Variants in IQCJ observed in about 807,000 individuals in gnomAD.
The protein encoded by IQCJ is IQ motif containing J, also known as IQ domain-containing protein J.
In IQCJ, 9 loss-of-function variants were observed where a neutral mutation model predicts 11.0. The ratio of observed to expected loss-of-function variants is 0.82; its 90% confidence interval spans 0.49 to 1.43. IQCJ has a LOEUF of 1.43. IQCJ is among the 40% of genes most tolerant of loss of function. The pLI is 0.00. For missense variants in IQCJ, 146 were observed against 133.2 expected, an observed-to-expected ratio of 1.10 and a Z score of -0.47; for synonymous variants, 55 against 51.3, an observed-to-expected ratio of 1.07 and a Z score of -0.31.
rs1422481940 is a variant in IQCJ at position 159,091,670 on chromosome 3, GCATGCACACACACACACA to G, written c.9+22232_9+22249del. Reference sequence around the variant, plus strand: ...TTTACACACACACACACACACACACGCATGCACACACACACACACACACACACACACACACACACACAC... The same window carrying G: ...TTTACACACACACACACACACACACGCACACACACACACACACACACACAC... On this transcript the variant is annotated intron_variant, in intron 1 of 3. Transcript: ENST00000397832. 3.8e-3 allele frequency among the ~76,000 whole-genome samples: 240 copies of G among 62,574 alleles called. 7 individuals are homozygous for G. Among genetic ancestry groups the G allele is most frequent in the African/African-American group, 6.6e-3 (203 of 30,830 alleles). 41.1% of individuals were successfully genotyped at this position (62,574 alleles called of 152,430 possible). A position where few individuals can be genotyped will look rare whatever the true frequency, so the allele number is the denominator to read the frequency against.
chr3:159,082,983 G>C (rs1716428717), intron 1 of IQCJ, among the ~76,000 whole-genome samples: 1 of 152,170 alleles, frequency 6.6e-6, no homozygotes, highest in South Asian at 2.1e-4. Flanking sequence ...CCACAGACTT[G>C]AATGTAAAAT....
chr3:159,094,774 G>C (rs1043140479), intron 1 of IQCJ, among the ~76,000 whole-genome samples: 3 of 151,836 alleles, frequency 2.0e-5, no homozygotes, highest in African/African-American at 7.3e-5. Context: ...AATAGGACTT[G>C]ACCTTGGATG....
intron 2 of IQCJ, among the ~76,000 whole-genome samples, chr3:159,248,916 G>C (rs1447465728): frequency 6.6e-6 from 1 of 151,758 alleles, no homozygotes; most frequent in Non-Finnish European, 1.5e-5. Context: ...GAATGCAGTG[G>C]TGTGATCTTG....
intron 1 of IQCJ, among the ~76,000 whole-genome samples, chr3:159,077,547 A>T (rs1166829875): frequency 1.3e-5 from 2 of 152,162 alleles, no homozygotes; most frequent in African/African-American, 4.8e-5. Context: ...AATACATGAG[A>T]ATATTAAAAA....
chr3:159,183,676 A>G (rs1271758617), intron 1 of IQCJ, among the ~76,000 whole-genome samples: 2 of 152,320 alleles, frequency 1.3e-5, no homozygotes, highest in Non-Finnish European at 1.5e-5. Context: ...CTCTCCTTCA[A>G]GAAGTAACTT....
chr3:159,256,169 A>G (rs1187126919), intron 3 of IQCJ, among the ~76,000 whole-genome samples: 1 of 152,160 alleles, frequency 6.6e-6, no homozygotes, highest in Non-Finnish European at 1.5e-5. Context: ...CGATCCCCCA[A>G]TCCCCTTCCA....
At chr3:159,219,460 G>A (rs753380714) in intron 1 of IQCJ, among the ~76,000 whole-genome samples, 2 of 152,146 alleles carry the variant, frequency 1.3e-5, no homozygotes, top group Non-Finnish European at 2.9e-5. Flanking sequence ...CGTCCACTCT[G>A]TGTACTGGCC....
At chr3:159,215,166 T>C (rs1725158451) in intron 1 of IQCJ, among the ~76,000 whole-genome samples, 1 of 152,140 alleles carries the variant, frequency 6.6e-6, no homozygotes, top group Non-Finnish European at 1.5e-5. Context: ...ATGCTGGGCT[T>C]GATGAAAAAT....
chr3:159,159,641 G>T (rs529470289), intron 1 of IQCJ, among the ~76,000 whole-genome samples: 10 of 152,024 alleles, frequency 6.6e-5, no homozygotes, highest in Admixed American at 6.6e-4. Flanking sequence ...TCCTGAAAAG[G>T]ATACTGCTAT....
chr3:159,155,829 T>C (rs565198924), intron 1 of IQCJ, among the ~76,000 whole-genome samples: 2 of 152,318 alleles, frequency 1.3e-5, no homozygotes, highest in Admixed American at 1.3e-4. Flanking sequence ...AAAGCAATCC[T>C]GGACTTGTGG....
At chr3:159,249,196 C>G (rs1727449020) in intron 2 of IQCJ, among the ~76,000 whole-genome samples, 1 of 152,022 alleles carries the variant, frequency 6.6e-6, no homozygotes, top group South Asian at 2.1e-4. Flanking sequence ...TTTTTTTGTT[C>G]TGCTAACTGA....
intron 2 of IQCJ, among the ~76,000 whole-genome samples, chr3:159,247,394 T>A (rs1471990036): frequency 6.6e-6 from 1 of 152,188 alleles, no homozygotes; most frequent in Non-Finnish European, 1.5e-5. Context: ...CGCGCCGGTC[T>A]ATTTACTCAG....
At chr3:159,230,003 C>G (rs13314849) in intron 1 of IQCJ, among the ~76,000 whole-genome samples, 97,132 of 147,972 alleles carry the variant, frequency 0.66, 32,642 homozygotes, top group Non-Finnish European at 0.74. Context: ...AGTAAGCATA[C>G]TAACCAATAG....
intron 1 of IQCJ, among the ~76,000 whole-genome samples, chr3:159,204,086 A>G (rs563471445): frequency 1.5e-4 from 23 of 152,352 alleles, no homozygotes; most frequent in African/African-American, 4.6e-4. Context: ...GTCTCCACCT[A>G]TGAAAGGCTG....
chr3:159,090,059 T>C (rs1481768156), intron 1 of IQCJ, among the ~76,000 whole-genome samples: 1 of 151,796 alleles, frequency 6.6e-6, no homozygotes, highest in Non-Finnish European at 1.5e-5. Flanking sequence ...TTTTATCTAC[T>C]TTTGGTCTTT....
intron 1 of IQCJ, among the ~76,000 whole-genome samples, chr3:159,119,954 C>G (rs1310100551): frequency 6.6e-6 from 1 of 152,144 alleles, no homozygotes; most frequent in Non-Finnish European, 1.5e-5. Flanking sequence ...AAACCCTACT[C>G]TAGTATGAGA....
At chr3:159,152,813 T>C (rs1213695142) in intron 1 of IQCJ, among the ~76,000 whole-genome samples, 1 of 152,212 alleles carries the variant, frequency 6.6e-6, no homozygotes, top group Non-Finnish European at 1.5e-5. Flanking sequence ...ATTAATAATT[T>C]CCTCAGAAAC....
At chr3:159,185,719 G>T (rs1234198907) in intron 1 of IQCJ, among the ~76,000 whole-genome samples, 2 of 152,002 alleles carry the variant, frequency 1.3e-5, no homozygotes, top group African/African-American at 4.8e-5. Context: ...TTAGCAAGAG[G>T]CTTCAGTTCT....
intron 1 of IQCJ, among the ~76,000 whole-genome samples, chr3:159,237,699 A>T (rs1197352673): frequency 1.3e-5 from 2 of 152,234 alleles, no homozygotes; most frequent in Non-Finnish European, 2.9e-5. Flanking sequence ...GCCTACATTT[A>T]AAAGAAAAGA....
Sources: gnomAD v4.1 joint callset for allele counts (sites outside exome capture counted in the v4.1 genomes callset) on GRCh38, gnomAD v4.1.1 for gene constraint, MANE v1.5 for transcripts, NCBI Gene and HGNC (gene_info 2026-07-23, HGNC 2026-07-21) for gene names.